Variants in PDZD2 observed in about 807,000 individuals in gnomAD.
The protein encoded by PDZD2 is PDZ domain-containing protein 2.
Under a neutral mutation model 220.7 loss-of-function variants are expected in PDZD2, and 90 were observed. That is an observed-to-expected ratio of 0.41 (90% confidence interval 0.34 to 0.49). The LOEUF is 0.49. Among genes scored for constraint, PDZD2 ranks in the 20% least tolerant of loss-of-function variants. The pLI is 0.28. For synonymous variants in PDZD2, 1,375 were observed against 1,450.5 expected (o/e 0.95, Z 1.18); for missense variants, 3,174 against 3,608.5 (o/e 0.88, Z 3.08).
rs1047846840 is a variant in PDZD2 at position 32,052,668 on chromosome 5, C to T, written c.1723C>T (p.Pro575Ser). 1 of 1,613,754 alleles carries T rather than the reference C, an allele frequency of 6.2e-7. No homozygotes were observed. The highest frequency in any genetic ancestry group is 1.3e-5 in the African/African-American group (1 of 74,928). The change falls in exon 9 of 25, where the codon CCT (proline) becomes TCT (serine). Residue 575 changes from proline to serine, a missense_variant. Coordinates refer to ENST00000438447, the MANE Select transcript of PDZD2 (RefSeq NM_178140.4). The part of the protein sequence containing the change: ...RSLSTTQVES[P>S]WRLIRPSVIS... Reference sequence around the variant, plus strand: ...CTTAAGCACGACTCAGGTGGAATCTCCTTGGAGGCTCATTCGGCCATCCGT... The same window carrying T: ...CTTAAGCACGACTCAGGTGGAATCTTCTTGGAGGCTCATTCGGCCATCCGT...
chr5:31,721,757 T>A (rs1484900382), intron 1 of PDZD2, among the ~76,000 whole-genome samples: 2 of 149,924 alleles, frequency 1.3e-5, no homozygotes. Flanking sequence ...AAAAAATGAG[T>A]CTTAGCAGTG....
At chr5:31,753,470 C>T (rs2017087) in intron 1 of PDZD2, among the ~76,000 whole-genome samples, 58,836 of 152,030 alleles carry the variant, frequency 0.39, 11,694 homozygotes, top group African/African-American at 0.46. Flanking sequence ...CATAGTGGCA[C>T]GCACCTGTAG....
intron 5 of PDZD2, among the ~76,000 whole-genome samples, chr5:32,008,284 C>CTTTTTTT (rs58124921): frequency 7.7e-6 from 1 of 129,152 alleles, no homozygotes; most frequent in Non-Finnish European, 1.6e-5. Context: ...TCTTTTGTTT[C>CTTTTTTT]TTTTTTTTTT....
At chr5:31,787,127 G>T (rs1046978061) in intron 1 of PDZD2, among the ~76,000 whole-genome samples, 8 of 152,324 alleles carry the variant, frequency 5.3e-5, no homozygotes, top group Non-Finnish European at 1.0e-4. Flanking sequence ...AAGGTAATGG[G>T]CAGTCACAGT....
intron 1 of PDZD2, among the ~76,000 whole-genome samples, chr5:31,696,873 C>A (rs961214100): frequency 1.3e-5 from 2 of 152,122 alleles, no homozygotes; most frequent in East Asian, 3.9e-4. Context: ...AGACAGTCAT[C>A]GTTCAGTTCA....
chr5:31,918,035 A>C (rs1743842881), intron 2 of PDZD2, among the ~76,000 whole-genome samples: 3 of 152,226 alleles, frequency 2.0e-5, no homozygotes, highest in Admixed American at 2.0e-4. Flanking sequence ...ACTTACAGTC[A>C]TGGCAGAAGG....
At chr5:31,989,788 T>C (rs1257227281) in intron 3 of PDZD2, among the ~76,000 whole-genome samples, 1 of 152,210 alleles carries the variant, frequency 6.6e-6, no homozygotes. Context: ...ATTCTGTATC[T>C]TTGCTATTGT....
chr5:32,047,531 T>G (rs2112281910), intron 7 of PDZD2, among the ~76,000 whole-genome samples: 1 of 152,254 alleles, frequency 6.6e-6, no homozygotes, highest in South Asian at 2.1e-4. Flanking sequence ...AGTGGGTTGT[T>G]AAGAAAAAGA....
intron 2 of PDZD2, among the ~76,000 whole-genome samples, chr5:31,866,597 AAAG>A (rs974976836): frequency 6.6e-6 from 1 of 152,182 alleles, no homozygotes; most frequent in Non-Finnish European, 1.5e-5. Context: ...ATTTTTTAAA[AAAG>A]AAGAGAAAGG....
chr5:31,739,346 A>G (rs1248721823), intron 1 of PDZD2, among the ~76,000 whole-genome samples: 1 of 152,162 alleles, frequency 6.6e-6, no homozygotes, highest in Non-Finnish European at 1.5e-5. Flanking sequence ...TTTTTTATTC[A>G]TCAGAGCATC....
At position 32,087,479 on chromosome 5, in the gene PDZD2, C is replaced by T; in HGVS notation, c.4031C>T (p.Pro1344Leu). ...GCTGGTGCTGTCCTGCCAGGAGACC[C>T]CCTCACATCCCAGGAGCAGAGACAG... Reference protein sequence around the residue: ...TPAGAVLPGDPLTSQEQRQGA... With the variant: ...TPAGAVLPGDLLTSQEQRQGA... The change falls in exon 20 of 25, where the codon CCC becomes CTC. Residue 1344 changes from proline to leucine, a missense_variant. Physicochemically the swap from Pro to Leu is moderately conservative, Grantham distance 98. Transcript: ENST00000438447. This position sits in a 1 kb window ranked among gnomAD's most constrained non-coding sequence, Gnocchi z 4.0. 1.2e-6 allele frequency: 2 copies of T among 1,613,494 alleles called. No individual in the cohort carries two copies. Among genetic ancestry groups the T allele is most frequent in the Non-Finnish European group, 1.7e-6 (2 of 1,179,698 alleles).
intron 1 of PDZD2, chr5:31,725,898 T>G: frequency 1.4e-6 from 1 of 722,830 alleles, no homozygotes. Flanking sequence ...CTATACAATC[T>G]CTTCTCACAG....
Position 31,995,688 on chromosome 5 carries a change from C to G in PDZD2, c.1091C>G (p.Thr364Ser), listed in dbSNP as rs747424877. ...SKRSPHAIVV[T>S]QVKEGGAAHR... The stretch of plus-strand genomic sequence containing the variant: ...CGCTCACCTCACGCTATCGTTGTCA[C>G]TCAAGTGAAGGAAGGAGGTGCCGCT... Residue 364 changes from threonine to serine, a missense_variant, in exon 4 of 25, where the codon ACT (threonine) becomes AGT (serine). Thr to Ser is a moderately conservative substitution (Grantham distance 58). This residue lies in a region of PDZD2 where 632 missense variants were observed against 708.1 expected (regional missense o/e 0.89). Transcript: ENST00000438447. The G allele has an allele frequency of 1.2e-6, 2 of 1,614,082 alleles. No individual in the cohort carries two copies. Among genetic ancestry groups the G allele is most frequent in the Admixed American group, 3.3e-5 (2 of 60,014 alleles).
intron 1 of PDZD2, among the ~76,000 whole-genome samples, chr5:31,752,506 G>C (rs985192619): frequency 2.6e-5 from 4 of 152,092 alleles, no homozygotes; most frequent in African/African-American, 9.7e-5. Flanking sequence ...CTGAGATCGT[G>C]CCACTGCACT....
chr5:31,645,100 A>G (rs1405264299), intron 1 of PDZD2, among the ~76,000 whole-genome samples: 1 of 152,188 alleles, frequency 6.6e-6, no homozygotes, highest in Non-Finnish European at 1.5e-5. Context: ...AGGATTTAAA[A>G]AATCACAAAT....
Position 32,077,567 on chromosome 5 carries a change from C to T in PDZD2, c.3643C>T (p.Pro1215Ser). Residue 1215 changes from proline (P) to serine (S), a missense_variant, in exon 19 of 25, where the codon CCC (proline) becomes TCC (serine). By Grantham distance (74) the Pro-to-Ser change is moderately conservative (BLOSUM62 -1). This residue lies in a region of PDZD2 where 1,861 missense variants were observed against 2,001.0 expected (regional missense o/e 0.93). Coordinates refer to ENST00000438447, the MANE Select transcript of PDZD2 (RefSeq NM_178140.4). ...TGCCAGCCACCTCACAGAGAACCTG[C>T]CCAAAGCTGCATCAGAGCTGGGGCA... ...LDASHLTENL[P>S]KAASELGQQP... is the part of the protein sequence containing the mutation. 1.2e-6 allele frequency: 2 copies of T among 1,614,090 alleles called. No homozygotes were observed. The highest frequency in any genetic ancestry group is 2.2e-5 in the South Asian group (2 of 91,080).
chr5:31,941,423 A>G (rs1746206864), intron 2 of PDZD2, among the ~76,000 whole-genome samples: 1 of 152,222 alleles, frequency 6.6e-6, no homozygotes, highest in Non-Finnish European at 1.5e-5. Context: ...GCAGGGGAGC[A>G]ATAAAGACCT....
At chr5:31,939,307 A>T (rs987904296) in intron 2 of PDZD2, among the ~76,000 whole-genome samples, 5 of 152,192 alleles carry the variant, frequency 3.3e-5, no homozygotes, top group African/African-American at 1.2e-4. Flanking sequence ...GGAATTTCAG[A>T]CACAGTCAGA....
At chr5:31,980,974 C>T (rs1378869818) in intron 2 of PDZD2, among the ~76,000 whole-genome samples, 1 of 152,188 alleles carries the variant, frequency 6.6e-6, no homozygotes, top group Non-Finnish European at 1.5e-5. Flanking sequence ...TTAGTAGAGA[C>T]GAGGTTTCAC....
Sources: gnomAD v4.1 joint callset for allele counts (sites outside exome capture counted in the v4.1 genomes callset) on GRCh38, gnomAD v4.1.1 for gene constraint, gnomAD v4.1.1 regional missense constraint, Gnocchi (gnomAD v3.1) non-coding constraint, MANE v1.5 for transcripts, NCBI Gene and HGNC (gene_info 2026-07-23, HGNC 2026-07-21) for gene names.